EPHA3: variants seen among roughly 807,000 people sequenced by gnomAD.
EPHA3 encodes the protein EPH receptor A3, also known as ephrin type-A receptor 3.
A neutral mutation model predicts 107.1 loss-of-function variants in EPHA3; 42 were observed. The ratio of observed to expected loss-of-function variants is 0.39; its 90% CI spans 0.31 to 0.51. The LOEUF (loss-of-function observed/expected upper bound fraction) is 0.51. Among genes scored for constraint, EPHA3 ranks in the 20% least tolerant of loss-of-function variants. EPHA3 has a pLI of 0.78. For missense variants in EPHA3, 1,183 were observed against 1,211.2 expected, an observed-to-expected ratio of 0.98 and a Z score of 0.35; for synonymous variants, 461 against 424.8, an observed-to-expected ratio of 1.09 and a Z score of -1.05.
intron 2 of EPHA3, among the ~76,000 whole-genome samples, chr3:89,140,691 G>C (rs1286143061): frequency 6.6e-6 from 1 of 151,718 alleles, no homozygotes; most frequent in East Asian, 1.9e-4. Flanking sequence ...AAAACATTTA[G>C]GGGAAGGTTA....
chr3:89,250,460 C>G (rs1230413092), intron 3 of EPHA3, among the ~76,000 whole-genome samples: 1 of 152,170 alleles, frequency 6.6e-6, no homozygotes, highest in Non-Finnish European at 1.5e-5. Flanking sequence ...CCTATTATCA[C>G]CTGCAAAATT....
At chr3:89,461,215 C>A in intron 15 of EPHA3, among the ~76,000 whole-genome samples, 2 of 107,044 alleles carry the variant, frequency 1.9e-5, no homozygotes, top group African/African-American at 8.9e-5. Context: ...TTTTCTTAAT[C>A]CAGTCTATCA....
At chr3:89,470,507 C>T (rs1710377584) in intron 15 of EPHA3, among the ~76,000 whole-genome samples, 1 of 152,114 alleles carries the variant, frequency 6.6e-6, no homozygotes, top group African/African-American at 2.4e-5. Context: ...AAATTGATAT[C>T]CTCACCATCA....
intron 13 of EPHA3, among the ~76,000 whole-genome samples, chr3:89,439,023 G>T (rs1709728715): frequency 6.6e-6 from 1 of 152,118 alleles, no homozygotes; most frequent in South Asian, 2.1e-4. Context: ...ACAAGTAAAG[G>T]CAGAAAAGTA....
At chr3:89,110,475 A>G (rs1349460247) in intron 1 of EPHA3, among the ~76,000 whole-genome samples, 1 of 151,990 alleles carries the variant, frequency 6.6e-6, no homozygotes, top group Admixed American at 6.6e-5. Context: ...GTATTTACAA[A>G]TATCTCTCTT....
intron 2 of EPHA3, among the ~76,000 whole-genome samples, chr3:89,133,135 A>G (rs1475908034): frequency 2.0e-5 from 3 of 152,194 alleles, no homozygotes; most frequent in Non-Finnish European, 2.9e-5. Flanking sequence ...ATTCATTTAC[A>G]TGTCTCCTTA....
At chr3:89,448,868 T>C (rs1313623564) in intron 13 of EPHA3, among the ~76,000 whole-genome samples, 1 of 152,120 alleles carries the variant, frequency 6.6e-6, no homozygotes, top group African/African-American at 2.4e-5. Flanking sequence ...AAAAGTTGAT[T>C]TGTGATACCT....
At chr3:89,138,359 A>G (rs559050334) in intron 2 of EPHA3, among the ~76,000 whole-genome samples, 2 of 152,028 alleles carry the variant, frequency 1.3e-5, no homozygotes, top group Admixed American at 6.6e-5. Context: ...AAATACTTGT[A>G]CAGTATTTAT....
intron 2 of EPHA3, among the ~76,000 whole-genome samples, chr3:89,207,196 A>G (rs1706125536): frequency 6.6e-6 from 1 of 152,206 alleles, no homozygotes; most frequent in African/African-American, 2.4e-5. Flanking sequence ...AAGGCCAAAT[A>G]AATGTCATGT....
At chr3:89,246,765 T>G (rs1705042990) in intron 3 of EPHA3, among the ~76,000 whole-genome samples, 1 of 152,236 alleles carries the variant, frequency 6.6e-6, no homozygotes, top group African/African-American at 2.4e-5. Flanking sequence ...AATTCCAGGC[T>G]TTTCAGATAT....
At chr3:89,220,780 T>C (rs1416103043) in intron 3 of EPHA3, among the ~76,000 whole-genome samples, 2 of 152,220 alleles carry the variant, frequency 1.3e-5, no homozygotes, top group Non-Finnish European at 2.9e-5. Context: ...ACATATTGTG[T>C]TAATAGTCTT....
chr3:89,177,298 C>A (rs1385284443), intron 2 of EPHA3, among the ~76,000 whole-genome samples: 1 of 152,196 alleles, frequency 6.6e-6, no homozygotes, highest in African/African-American at 2.4e-5. Flanking sequence ...GGGTGTTGTG[C>A]ATGCCTTGGT....
At chr3:89,419,530 G>T (rs1350642880) in intron 11 of EPHA3, 140 bp downstream of exon 11, 10 of 640,464 alleles carry the variant, frequency 1.6e-5, no homozygotes, top group Non-Finnish European at 2.3e-5. Flanking sequence ...GGAATAGCAT[G>T]CCTTTCTTTG....
chr3:89,271,708 G>A (rs1705673447), intron 3 of EPHA3, among the ~76,000 whole-genome samples: 2 of 151,588 alleles, frequency 1.3e-5, no homozygotes, highest in South Asian at 2.1e-4. Context: ...GATGAGAAGG[G>A]GAAGGAAAAG....
intron 3 of EPHA3, among the ~76,000 whole-genome samples, chr3:89,245,722 C>A (rs1296992859): frequency 6.6e-6 from 1 of 152,164 alleles, no homozygotes; most frequent in Non-Finnish European, 1.5e-5. Flanking sequence ...CATGTGGATG[C>A]CTGTGTACAT....
chr3:89,127,059 CCTT>C, intron 1 of EPHA3, 147 bp from the exon 2 acceptor site: 2 of 611,848 alleles, frequency 3.3e-6, no homozygotes, highest in Non-Finnish European at 5.7e-6. Context: ...TTTGTAATTT[CCTT>C]CTTTTTATCC....
At chr3:89,335,153 G>A (rs993696731) in intron 3 of EPHA3, among the ~76,000 whole-genome samples, 28 of 152,098 alleles carry the variant, frequency 1.8e-4, no homozygotes, top group African/African-American at 6.8e-4. Flanking sequence ...CCATAAGCTG[G>A]TTAGTTTATA....
At chr3:89,473,510 A>T (rs552554704) in intron 16 of EPHA3, among the ~76,000 whole-genome samples, 19 of 152,312 alleles carry the variant, frequency 1.2e-4, no homozygotes, top group African/African-American at 4.3e-4. Flanking sequence ...GTGATTGAGA[A>T]CCAATTTACT....
chr3:89,230,824 T>TCACACACACACA (rs61566796), intron 3 of EPHA3, among the ~76,000 whole-genome samples: 14 of 139,574 alleles, frequency 1.0e-4, no homozygotes, highest in African/African-American at 3.8e-4. Flanking sequence ...TCTCTCTCTC[T>TCACACACACACA]CACACACACA....
Sources: allele counts gnomAD v4.1 joint callset (sites outside exome capture counted in the v4.1 genomes callset), GRCh38; gene constraint gnomAD v4.1.1; transcripts MANE v1.5; gene names NCBI Gene and HGNC (gene_info 2026-07-23, HGNC 2026-07-21).